The following GPC6 variants were observed in gnomAD, a reference collection of about 807,000 sequenced individuals.
GPC6 encodes glypican 6.
A neutral mutation model predicts 55.2 loss-of-function variants in GPC6; 14 were observed. The observed-to-expected ratio is 0.25, with a 90% CI of 0.17 to 0.40. GPC6 has a LOEUF of 0.40. Among genes scored for constraint, GPC6 ranks in the 10% least tolerant of loss-of-function variants. The probability of loss-of-function intolerance (pLI) is 1.00; values close to 1 mark genes in which losing one functional copy is unlikely to be tolerated. For missense variants in GPC6, 641 were observed against 708.5 expected, an observed-to-expected ratio of 0.90 and a Z score of 1.08; for synonymous variants, 278 against 259.6, an observed-to-expected ratio of 1.07 and a Z score of -0.68.
chr13:94,324,892 C>T (rs1877034785), intron 6 of GPC6, among the ~76,000 whole-genome samples: 1 of 152,176 alleles, frequency 6.6e-6, no homozygotes, highest in South Asian at 2.1e-4. Context: ...TCCCATATCT[C>T]ATTTGTAAAA....
At chr13:93,512,754 G>A (rs987059507) in intron 1 of GPC6, among the ~76,000 whole-genome samples, 3 of 152,024 alleles carry the variant, frequency 2.0e-5, no homozygotes, top group Non-Finnish European at 4.4e-5. Flanking sequence ...CTGCAAGTGG[G>A]TTGATTTTAG....
At chr13:93,651,253 T>A (rs1031110333) in intron 2 of GPC6, among the ~76,000 whole-genome samples, 6 of 126,384 alleles carry the variant, frequency 4.7e-5, no homozygotes, top group Non-Finnish European at 8.4e-5. Context: ...AATCTACCTA[T>A]TTTTTTTTTT....
chr13:93,915,896 G>C (rs1200634787), intron 3 of GPC6, among the ~76,000 whole-genome samples: 3 of 152,176 alleles, frequency 2.0e-5, no homozygotes, highest in Non-Finnish European at 4.4e-5. Flanking sequence ...GTGAGTGGCT[G>C]CAGAGGAGCT....
intron 6 of GPC6, among the ~76,000 whole-genome samples, chr13:94,365,235 A>C (rs940855279): frequency 6.6e-6 from 1 of 152,216 alleles, no homozygotes; most frequent in African/African-American, 2.4e-5. Context: ...CTTTCAGCTA[A>C]ATCATACTCT....
chr13:94,199,044 T>G (rs1054218700), intron 4 of GPC6, among the ~76,000 whole-genome samples: 2 of 152,148 alleles, frequency 1.3e-5, no homozygotes, highest in African/African-American at 4.8e-5. Flanking sequence ...TTTAGGGCAA[T>G]GGCATGCCAG....
intron 6 of GPC6, among the ~76,000 whole-genome samples, chr13:94,360,727 T>G (rs1465952717): frequency 6.6e-6 from 1 of 152,184 alleles, no homozygotes; most frequent in Non-Finnish European, 1.5e-5. Flanking sequence ...CAAATATATT[T>G]TCCATCTTTT....
chr13:93,734,233 T>C (rs1045662146), intron 2 of GPC6, among the ~76,000 whole-genome samples: 15 of 152,128 alleles, frequency 9.9e-5, no homozygotes, highest in African/African-American at 9.7e-5. Flanking sequence ...AAACTCAAAT[T>C]TGGAGTCATT....
Position 94,150,762 on chromosome 13 carries a change from G to A in GPC6, c.877+122868G>A, listed in dbSNP as rs79648087. Among the ~76,000 whole-genome samples the A allele has an allele frequency of 8.8e-3, 1,264 of 144,428 alleles. 21 individuals carry two copies. The highest frequency in any genetic ancestry group is 0.031 in the African/African-American group (1,187 of 38,746). The allele number at this position is 144,428 out of a possible 152,430, so 94.8% of individuals were successfully genotyped here. ...CCCTAGAAGAAGAGATATCTAAGTT[G>A]AAACACAAAGAATAAGTAGGATCAA... On this transcript the variant is annotated intron_variant, in intron 4 of 8. Transcript: ENST00000377047.
chr13:93,568,994 A>G (rs781198611), intron 2 of GPC6, among the ~76,000 whole-genome samples: 1 of 152,196 alleles, frequency 6.6e-6, no homozygotes, highest in East Asian at 1.9e-4. Context: ...AAGTCCAGGC[A>G]TAACTGCCAC....
intron 3 of GPC6, among the ~76,000 whole-genome samples, chr13:93,891,266 T>A (rs1875664372): frequency 6.6e-6 from 1 of 152,144 alleles, no homozygotes. Flanking sequence ...TTATGTTTAG[T>A]AGTGTTTTAT....
At chr13:93,315,229 G>T (rs940477940) in intron 1 of GPC6, among the ~76,000 whole-genome samples, 1 of 151,854 alleles carries the variant, frequency 6.6e-6, no homozygotes, top group Non-Finnish European at 1.5e-5. Context: ...GAGATATGTT[G>T]TTTGTTATGA....
At chr13:93,779,989 G>A (rs1885587111) in intron 2 of GPC6, among the ~76,000 whole-genome samples, 1 of 152,076 alleles carries the variant, frequency 6.6e-6, no homozygotes, top group South Asian at 2.1e-4. Flanking sequence ...ATGGATCCAA[G>A]GAATGTGAGT....
At chr13:94,329,937 A>G (rs571292506) in intron 6 of GPC6, among the ~76,000 whole-genome samples, 1 of 152,188 alleles carries the variant, frequency 6.6e-6, no homozygotes, top group Non-Finnish European at 1.5e-5. Flanking sequence ...AAGTTTCATC[A>G]TGTAGTGATT....
At chr13:94,372,724 GGCCT>G (rs765681201) in intron 6 of GPC6, among the ~76,000 whole-genome samples, 1 of 152,196 alleles carries the variant, frequency 6.6e-6, no homozygotes, top group African/African-American at 2.4e-5. Context: ...AGCTCAAGGA[GGCCT>G]GCCTGCCTCT....
intron 3 of GPC6, among the ~76,000 whole-genome samples, chr13:93,898,096 T>G (rs1876115754): frequency 1.3e-5 from 2 of 152,162 alleles, no homozygotes; most frequent in Non-Finnish European, 1.5e-5. Context: ...AGACTGTCTT[T>G]CTTGACCTCT....
At chr13:94,309,058 A>G (rs913156609) in intron 6 of GPC6, among the ~76,000 whole-genome samples, 6 of 152,180 alleles carry the variant, frequency 3.9e-5, no homozygotes, top group African/African-American at 1.4e-4. Context: ...AACAAGTCTC[A>G]TATTACCTAC....
At chr13:94,379,359 A>G (rs1880055107) in intron 6 of GPC6, among the ~76,000 whole-genome samples, 1 of 152,188 alleles carries the variant, frequency 6.6e-6, no homozygotes, top group Non-Finnish European at 1.5e-5. Flanking sequence ...TACATTTCTC[A>G]CTGCTCCTTT....
chr13:93,920,531 A>G (rs1877515296), intron 3 of GPC6, among the ~76,000 whole-genome samples: 1 of 152,102 alleles, frequency 6.6e-6, no homozygotes. Flanking sequence ...TTTCCCCTAT[A>G]CTGCTCTTCT....
chr13:94,243,676 G>A (rs1465936192), intron 4 of GPC6, among the ~76,000 whole-genome samples: 1 of 152,094 alleles, frequency 6.6e-6, no homozygotes, highest in African/African-American at 2.4e-5. Context: ...GAAAATCAAA[G>A]CAGGCAGAAG....
Sources: gnomAD v4.1 joint callset for allele counts (sites outside exome capture counted in the v4.1 genomes callset) on GRCh38, gnomAD v4.1.1 for gene constraint, MANE v1.5 for transcripts, NCBI Gene and HGNC (gene_info 2026-07-23, HGNC 2026-07-21) for gene names.